The following EPS15 variants were observed in gnomAD, a reference collection of about 807,000 sequenced individuals.
EPS15 encodes the protein epidermal growth factor receptor pathway substrate 15.
Under a neutral mutation model 113.8 loss-of-function variants are expected in EPS15, and 72 were observed. The observed-to-expected ratio is 0.63, with a 90% CI of 0.52 to 0.77. The LOEUF is 0.77. Among genes scored for constraint, EPS15 ranks in the 30% least tolerant of loss-of-function variants. The pLI, the probability that EPS15 is intolerant of heterozygous loss-of-function variation, is 0.00. For missense variants in EPS15, 1,048 were observed against 1,045.8 expected, an observed-to-expected ratio of 1.00 and a Z score of -0.03; for synonymous variants, 344 against 363.4, an observed-to-expected ratio of 0.95 and a Z score of 0.61.
chr1:51,408,797 A>ATTTT (rs34612487), intron 14 of EPS15, among the ~76,000 whole-genome samples: 9 of 109,576 alleles, frequency 8.2e-5, no homozygotes, highest in Non-Finnish European at 1.1e-4. Flanking sequence ...CTGGCTTTCA[A>ATTTT]TTTTTTTTTT....
chr1:51,382,564 G>C (rs767809511), intron 21 of EPS15: 1 of 151,738 alleles, frequency 6.6e-6, no homozygotes, highest in African/African-American at 2.4e-5. Flanking sequence ...GATGACAGGC[G>C]CCCACCACCA....
Position 51,437,020 on chromosome 1 carries a change from T to C in EPS15, c.1040+3327A>G, listed in dbSNP as rs565112380. 8.5e-5 allele frequency among the ~76,000 whole-genome samples: 13 copies of C among 152,334 alleles called. No homozygotes were observed. In the East Asian group the frequency reaches 2.3e-3, roughly 27 times the overall value. On this transcript the variant is annotated intron_variant, in intron 12 of 24. Transcript: ENST00000371733. ...GCTTTTCCTTAAGTTAAAAATATCA[T>C]ACTAATTTAATCTAATTGGCATAAT...
At chr1:51,421,941 C>A (rs765403749) in intron 12 of EPS15, 83 bp from the exon 13 acceptor site, 3 of 1,576,172 alleles carry the variant, frequency 1.9e-6, no homozygotes, top group South Asian at 1.2e-5. Context: ...AATCCTGAAT[C>A]GCTTTTTAAA....
At chr1:51,461,016 T>A (rs545916747) in intron 8 of EPS15, 75 bp downstream of exon 8, 1 of 970,220 alleles carries the variant, frequency 1.0e-6, no homozygotes, top group African/African-American at 1.6e-5. Context: ...CCTCTAAGGA[T>A]GAACTAAAAG....
intron 1 of EPS15, among the ~76,000 whole-genome samples, chr1:51,518,006 C>A (rs1392457599): frequency 3.3e-5 from 5 of 152,154 alleles, no homozygotes; most frequent in Non-Finnish European, 1.5e-5. Flanking sequence ...ACCGACGAAT[C>A]TAGGCCAAGG....
At chr1:51,406,809 A>T (rs548818165) in intron 15 of EPS15, among the ~76,000 whole-genome samples, 1 of 152,202 alleles carries the variant, frequency 6.6e-6, no homozygotes. Flanking sequence ...GACCAAAACC[A>T]TGACTCTGCT....
chr1:51,385,919 C>A (rs1371410922), intron 21 of EPS15, among the ~76,000 whole-genome samples: 1 of 151,992 alleles, frequency 6.6e-6, no homozygotes, highest in Admixed American at 6.6e-5. Context: ...TACAGAATTT[C>A]AGTTCTGGAA....
chr1:51,513,871 G>A (rs558446044), intron 1 of EPS15, among the ~76,000 whole-genome samples: 37 of 152,128 alleles, frequency 2.4e-4, no homozygotes, highest in African/African-American at 8.4e-4. Context: ...ACTAAGTGTA[G>A]ACACAATCTT....
At chr1:51,447,460 T>C (rs1180059596) in intron 9 of EPS15, among the ~76,000 whole-genome samples, 1 of 152,248 alleles carries the variant, frequency 6.6e-6, no homozygotes, top group African/African-American at 2.4e-5. Flanking sequence ...TTATTTTTTA[T>C]AGTTTGACCC....
intron 7 of EPS15, chr1:51,463,445 T>G: frequency 2.7e-6 from 1 of 374,116 alleles, no homozygotes. Flanking sequence ...CTTAAGGGGC[T>G]TACATATGTA....
chr1:51,355,029 G>C lies in EPS15; in HGVS notation c.*1671C>G, dbSNP rs1646189150. On this transcript the variant is annotated 3_prime_UTR_variant, in exon 25 of 25. Coordinates refer to ENST00000371733, the MANE Select transcript of EPS15 (RefSeq NM_001981.3). ...AGTCAAATTTTGCAGAAAATCCTTAGGTCACTGGATTCGTTTATCAAAATT... is the reference window on the plus strand; with the variant it reads ...AGTCAAATTTTGCAGAAAATCCTTACGTCACTGGATTCGTTTATCAAAATT... 1 of 223,490 alleles carries C rather than the reference G, an allele frequency of 4.5e-6. No homozygotes were observed. The highest frequency in any genetic ancestry group is 8.9e-6 in the Non-Finnish European group (1 of 111,848). 13.8% of individuals were successfully genotyped at this position (223,490 alleles called of 1,614,324 possible). A position where few individuals can be genotyped will look rare whatever the true frequency, so the allele number is the denominator to read the frequency against.
intron 1 of EPS15, among the ~76,000 whole-genome samples, chr1:51,487,041 T>G (rs1644137070): frequency 6.6e-6 from 1 of 152,146 alleles, no homozygotes; most frequent in African/African-American, 2.4e-5. Flanking sequence ...CTGAGCTAAC[T>G]GGGGACAGCA....
intron 1 of EPS15, 33 bp from the exon 2 acceptor site, chr1:51,481,347 T>C: frequency 2.1e-6 from 2 of 942,930 alleles, no homozygotes; most frequent in Non-Finnish European, 3.5e-6. Flanking sequence ...AATTAGATGC[T>C]ATTCATTAAC....
chr1:51,408,760 T>G (rs1649391502), intron 14 of EPS15, among the ~76,000 whole-genome samples: 1 of 150,722 alleles, frequency 6.6e-6, no homozygotes, highest in African/African-American at 2.4e-5. Flanking sequence ...CTCGAGTAGG[T>G]GGGATTACAG....
At chr1:51,409,384 T>A in intron 14 of EPS15, 151 bp downstream of exon 14, 1 of 638,132 alleles carries the variant, frequency 1.6e-6, no homozygotes, top group Non-Finnish European at 2.6e-6. Context: ...AATTTCTGGA[T>A]GAACCTTGCT....
chr1:51,392,288 A>C (rs529024961), intron 21 of EPS15, among the ~76,000 whole-genome samples: 63 of 152,200 alleles, frequency 4.1e-4, no homozygotes, highest in Non-Finnish European at 3.5e-4. Context: ...AATACAAATA[A>C]TCTAACGTAG....
At chr1:51,450,703 C>T (rs1041012399) in intron 8 of EPS15, among the ~76,000 whole-genome samples, 14 of 151,752 alleles carry the variant, frequency 9.2e-5, no homozygotes, top group Non-Finnish European at 1.8e-4. Flanking sequence ...GTTTCCCCTT[C>T]GGCTCTGCAA....
At chr1:51,434,198 T>C (rs1651956422) in intron 12 of EPS15, among the ~76,000 whole-genome samples, 3 of 152,234 alleles carry the variant, frequency 2.0e-5, no homozygotes, top group Non-Finnish European at 2.9e-5. Flanking sequence ...TTTGCAAATA[T>C]ACTCCAAAGA....
intron 13 of EPS15, among the ~76,000 whole-genome samples, chr1:51,412,646 T>C (rs1046837305): frequency 1.3e-5 from 2 of 152,314 alleles, no homozygotes; most frequent in South Asian, 2.1e-4. Flanking sequence ...AACTAATCCA[T>C]ACCATATAGA....
Sources: allele counts gnomAD v4.1 joint callset (sites outside exome capture counted in the v4.1 genomes callset), GRCh38; gene constraint gnomAD v4.1.1; transcripts MANE v1.5; gene names NCBI Gene and HGNC (gene_info 2026-07-23, HGNC 2026-07-21).